Variants in IL1RL2 observed in about 807,000 individuals in gnomAD.
The protein encoded by IL1RL2 is interleukin 1 receptor like 2.
A neutral mutation model predicts 66.8 loss-of-function variants in IL1RL2; 68 were observed. The observed-to-expected ratio is 1.02, with a 90% CI of 0.84 to 1.25. The LOEUF (loss-of-function observed/expected upper bound fraction) is 1.25, where lower values mean the gene tolerates loss of function less well. IL1RL2 is among the 50% of genes most tolerant of loss of function. The pLI is 0.00. For synonymous variants in IL1RL2, 305 were observed against 264.6 expected, an observed-to-expected ratio of 1.15 and a Z score of -1.48; for missense variants, 729 against 709.3, an observed-to-expected ratio of 1.03 and a Z score of -0.32.
At position 102,234,847 on chromosome 2, in the gene IL1RL2, C is replaced by T. The variant is rs200285433; in HGVS notation, c.1298-50C>T. The T allele has an allele frequency of 2.2e-5, 33 of 1,514,768 alleles. No individual in the cohort carries two copies. The Middle Eastern group carries it at 5.3e-4, about 24-fold the overall frequency. The allele number at this position is 1,514,768 out of a possible 1,614,324, so 93.8% of individuals were successfully genotyped here. On this transcript the variant is annotated intron_variant, in intron 10 of 11. Transcript: ENST00000264257. ...AAACATTCTCACTAGCATTAAGACCCGGGCTGTTTTAATTGTGAGTTCTTC... is the reference window on the plus strand; with the variant it reads ...AAACATTCTCACTAGCATTAAGACCTGGGCTGTTTTAATTGTGAGTTCTTC...
At chr2:102,229,356 C>G (rs756060970) in intron 9 of IL1RL2, among the ~76,000 whole-genome samples, 1 of 152,162 alleles carries the variant, frequency 6.6e-6, no homozygotes, top group African/African-American at 2.4e-5. Context: ...CACAGCTGCA[C>G]AGGACTAATC....
At chr2:102,196,462 AG>A (rs1687792638) in intron 4 of IL1RL2, among the ~76,000 whole-genome samples, 1 of 152,174 alleles carries the variant, frequency 6.6e-6, no homozygotes, top group Non-Finnish European at 1.5e-5. Context: ...GTAAAACCAG[AG>A]GGTTGGAATC....
intron 11 of IL1RL2, chr2:102,235,995 A>C: frequency 1.0e-6 from 1 of 958,472 alleles, no homozygotes; most frequent in East Asian, 1.2e-4. Context: ...GACACATGTC[A>C]ACCAGAATTC....
rs1290509034 is a variant in IL1RL2 at position 102,195,602 on chromosome 2, T to G, written c.489+3482T>G. ...CTTTCTTTCTTTCTTTCTTTCTTTC[T>G]TTCTTTCTTTCTTTCTTTCTTTCTT... On this transcript the variant is annotated intron_variant, in intron 4 of 11. Transcript: ENST00000264257. Among the ~76,000 whole-genome samples the G allele has an allele frequency of 1.8e-3, 32 of 17,754 alleles. 1 individual carries two copies. The highest frequency in any genetic ancestry group is 5.1e-3 in the African/African-American group (32 of 6,298). 11.6% of individuals were successfully genotyped at this position (17,754 alleles called of 152,430 possible).
chr2:102,193,078 A>G (rs1318987322), intron 4 of IL1RL2, among the ~76,000 whole-genome samples: 1 of 152,128 alleles, frequency 6.6e-6, no homozygotes, highest in East Asian at 1.9e-4. Context: ...ACACACACAC[A>G]CACTTACTTG....
chr2:102,192,121 G>GT lies in IL1RL2; in HGVS notation c.489+2dup. 6.5e-7 allele frequency: 1 copy of GT among 1,548,812 alleles called. No homozygotes were observed. The highest frequency in any genetic ancestry group is 1.2e-5 in the South Asian group (1 of 81,886). ...TTTGGGTCCAATAAAGTGGTATAAG[G>GT]TAAAAAAGAATTTTCTTATTGATAT... On this transcript the variant is annotated splice_donor_variant, in intron 4 of 11. Transcript: ENST00000264257. LOFTEE classifies it high-confidence loss of function.
chr2:102,195,717 T>C (rs1238377180), intron 4 of IL1RL2, among the ~76,000 whole-genome samples: 2 of 148,048 alleles, frequency 1.4e-5, no homozygotes, highest in African/African-American at 5.0e-5. Flanking sequence ...TTCTTTCTTT[T>C]TTTTTTTCTT....
intron 5 of IL1RL2, among the ~76,000 whole-genome samples, chr2:102,210,406 A>G (rs1689066740): frequency 6.6e-6 from 1 of 152,172 alleles, no homozygotes; most frequent in African/African-American, 2.4e-5. Context: ...GACAGATCAA[A>G]AGCAGGAGAG....
In IL1RL2 at chr2:102,189,112, T is replaced by C. The variant is rs1458445318; in HGVS notation, c.95T>C (p.Leu32Pro). Reference sequence around the variant, plus strand: ...GACATTTTTATGAAAAATGAGATACTTTCAGCAAGCCAGCCTTTTGCTTTT... The same window carrying C: ...GACATTTTTATGAAAAATGAGATACCTTCAGCAAGCCAGCCTTTTGCTTTT... ...CKDIFMKNEI[L>P]SASQPFAFNC... Residue 32 changes from leucine (L) to proline (P), a missense_variant, in exon 3 of 12, where the codon CTT becomes CCT. Physicochemically the swap from Leu to Pro is moderately conservative, Grantham distance 98 (BLOSUM62 -3). Transcript: ENST00000264257. The C allele has an allele frequency of 6.2e-7, 1 of 1,613,984 alleles. No individual in the cohort carries two copies. The highest frequency in any genetic ancestry group is 8.5e-7 in the Non-Finnish European group (1 of 1,179,980).
intron 6 of IL1RL2, among the ~76,000 whole-genome samples, chr2:102,214,921 T>C (rs1275166148): frequency 4.0e-5 from 6 of 150,092 alleles, no homozygotes; most frequent in Admixed American, 4.0e-4. Flanking sequence ...GGCGCTGGAG[T>C]GCAGCATGGA....
intron 11 of IL1RL2, among the ~76,000 whole-genome samples, chr2:102,238,543 A>G (rs1456681789): frequency 6.6e-6 from 1 of 152,182 alleles, no homozygotes; most frequent in East Asian, 1.9e-4. Context: ...CTGCCACGTC[A>G]TGGTTGGTTG....
intron 9 of IL1RL2, among the ~76,000 whole-genome samples, chr2:102,226,385 T>C (rs1290050906): frequency 1.3e-5 from 2 of 152,198 alleles, no homozygotes; most frequent in Non-Finnish European, 2.9e-5. Flanking sequence ...TCTCCATCCA[T>C]GATGTGTGCT....
At chr2:102,234,323 T>A (rs535483070) in intron 10 of IL1RL2, among the ~76,000 whole-genome samples, 1 of 152,318 alleles carries the variant, frequency 6.6e-6, no homozygotes, top group Non-Finnish European at 1.5e-5. Context: ...CAGATACTTG[T>A]TGGCCAGGGA....
intron 6 of IL1RL2, among the ~76,000 whole-genome samples, chr2:102,213,867 G>A (rs886671930): frequency 3.3e-5 from 5 of 152,158 alleles, no homozygotes; most frequent in Non-Finnish European, 7.4e-5. Flanking sequence ...GAGTTGAGGT[G>A]GGGGTTGGGG....
chr2:102,240,913 A>T (rs550311356), downstream of IL1RL2, among the ~76,000 whole-genome samples: 8 of 152,248 alleles, frequency 5.3e-5, no homozygotes, highest in Non-Finnish European at 1.0e-4. Flanking sequence ...AAAGAGATGA[A>T]CATTTCCTCT....
At chr2:102,220,634 G>A (rs1445774957) in intron 8 of IL1RL2, among the ~76,000 whole-genome samples, 2 of 152,046 alleles carry the variant, frequency 1.3e-5, no homozygotes, top group African/African-American at 2.4e-5. Flanking sequence ...ATGCTGTGTG[G>A]TTTACCAAGA....
At chr2:102,224,885 T>C (rs1182252534) in intron 8 of IL1RL2, among the ~76,000 whole-genome samples, 1 of 152,104 alleles carries the variant, frequency 6.6e-6, no homozygotes, top group Non-Finnish European at 1.5e-5. Flanking sequence ...TTTTTTAAAA[T>C]TAAAGTGCTC....
At chr2:102,191,474 AT>A (rs1687228033) in intron 3 of IL1RL2, among the ~76,000 whole-genome samples, 1 of 152,124 alleles carries the variant, frequency 6.6e-6, no homozygotes, top group African/African-American at 2.4e-5. Flanking sequence ...TGCCATGAAT[AT>A]TTAATTTCTT....
At chr2:102,201,222 C>T (rs554734310) in intron 4 of IL1RL2, among the ~76,000 whole-genome samples, 43 of 152,198 alleles carry the variant, frequency 2.8e-4, no homozygotes, top group African/African-American at 9.9e-4. Flanking sequence ...TCACGTAGGC[C>T]ACTCTCCTCT....
Sources: allele counts gnomAD v4.1 joint callset (sites outside exome capture counted in the v4.1 genomes callset), GRCh38; gene constraint gnomAD v4.1.1; transcripts MANE v1.5; gene names NCBI Gene and HGNC (gene_info 2026-07-23, HGNC 2026-07-21).